Variants in CBLL1 observed in about 807,000 individuals in gnomAD.
CBLL1 encodes E3 ubiquitin-protein ligase Hakai.
Under a neutral mutation model 44.9 loss-of-function variants are expected in CBLL1, and 4 were observed. The observed-to-expected ratio is 0.09, with a 90% CI of 0.04 to 0.20. The LOEUF is 0.20. CBLL1 is among the 10% of genes least tolerant of loss of function. The probability of loss-of-function intolerance (pLI) is 1.00; values close to 1 mark genes in which losing one functional copy is unlikely to be tolerated. For missense variants in CBLL1, 569 were observed against 636.7 expected, an observed-to-expected ratio of 0.89 and a Z score of 1.14; for synonymous variants, 235 against 202.2, an observed-to-expected ratio of 1.16 and a Z score of -1.38.
At position 107,758,089 on chromosome 7, in the gene CBLL1, A is replaced by T; in HGVS notation, c.441-54A>T. The T allele has an allele frequency of 6.8e-7, 1 of 1,473,064 alleles. No homozygotes were observed. The highest frequency in any genetic ancestry group is 9.1e-7 in the Non-Finnish European group (1 of 1,096,848). The allele number at this position is 1,473,064 out of a possible 1,614,324, so 91.2% of individuals were successfully genotyped here. ...AAACAAGCATATTTTTGAAAATTAC[A>T]TAATTTTTTGTATTCTCTTTTAGTA... On this transcript the variant is annotated intron_variant, in intron 5 of 5. Transcript: ENST00000440859. This position sits in a 1 kb window ranked among gnomAD's most constrained non-coding sequence, Gnocchi z 4.2.
In CBLL1 at chr7:107,749,003, GAAC is replaced by G. The variant is rs1358172858; in HGVS notation, c.138_140del (p.Arg46_Thr47delinsSer). 9.3e-6 allele frequency: 15 copies of G among 1,614,020 alleles called. No individual in the cohort carries two copies. Among genetic ancestry groups the G allele is most frequent in the Non-Finnish European group, 1.3e-5 (15 of 1,180,008 alleles). ...GCGAAACCTGCACCGCGAACTCAAA[GAAC>G]TATAAACAGGATGCCTGCAAAGGCT... On this transcript the variant is annotated inframe_deletion, in exon 2 of 6. Coordinates refer to ENST00000440859, the MANE Select transcript of CBLL1 (RefSeq NM_024814.4).
chr7:107,752,701 C>T (rs1793358887), intron 2 of CBLL1: 1 of 609,316 alleles, frequency 1.6e-6, no homozygotes. Context: ...TTGCCATCAA[C>T]TTTTTAATTA....
chr7:107,756,254 G>T (rs1011789240), intron 5 of CBLL1, among the ~76,000 whole-genome samples: 1 of 152,122 alleles, frequency 6.6e-6, no homozygotes, highest in African/African-American at 2.4e-5. Context: ...TGTGCTTAAA[G>T]CTATACCAAG....
intron 4 of CBLL1, among the ~76,000 whole-genome samples, chr7:107,754,781 C>G (rs1171354537): frequency 1.3e-5 from 2 of 151,500 alleles, no homozygotes; most frequent in Non-Finnish European, 2.9e-5. Context: ...TCAGGAGAAA[C>G]AAGATTAAAA....
At position 107,749,029 on chromosome 7, in the gene CBLL1, G is replaced by A. The variant is rs764905611; in HGVS notation, c.163G>A (p.Ala55Thr). The change falls in exon 2 of 6, where the codon GCT (alanine) becomes ACT (threonine). Residue 55 changes from alanine to threonine, a missense_variant. Physicochemically the swap from Ala to Thr is moderately conservative, Grantham distance 58. Coordinates refer to ENST00000440859, the MANE Select transcript of CBLL1 (RefSeq NM_024814.4). ...AACTATAAACAGGATGCCTGCAAAG[G>A]CTCCACCTGGTGATGAAGGTAATTT... ...QRTINRMPAK[A>T]PPGDEEGFDY... The A allele has an allele frequency of 5.6e-6, 9 of 1,613,696 alleles. No homozygotes were observed. The highest frequency in any genetic ancestry group is 1.6e-4 in the Middle Eastern group (1 of 6,084).
rs1057285218 is a variant in CBLL1 at position 107,758,753 on chromosome 7, A to G, written c.1051A>G (p.Ile351Val). The part of the protein sequence containing the change: ...YAPPPPPPPP[I>V]SHPMPHPPQA... ...ACCACCCCCACCTCCTCCACCACCA[A>G]TAAGCCATCCAATGCCACATCCTCC... is the stretch of plus-strand genomic sequence containing the variant. The change falls in exon 6 of 6, where the codon ATA (isoleucine) becomes GTA (valine). Residue 351 changes from isoleucine (I) to valine (V), a missense_variant. Physicochemically the swap from Ile to Val is conservative, Grantham distance 29. Transcript: ENST00000440859. The surrounding 1 kb of genome is among the most constrained non-coding windows in gnomAD (Gnocchi z 4.2). 3 of 1,612,894 alleles carry G rather than the reference A, an allele frequency of 1.9e-6. No individual in the cohort carries two copies. Among genetic ancestry groups the G allele is most frequent in the Non-Finnish European group, 2.5e-6 (3 of 1,179,730 alleles).
At chr7:107,753,750 T>C in intron 3 of CBLL1, 145 bp from the exon 4 acceptor site, 1 of 534,552 alleles carries the variant, frequency 1.9e-6, no homozygotes, top group East Asian at 3.3e-5. Context: ...TCACAACTAA[T>C]GGTGGGGAAT....
intron 5 of CBLL1, among the ~76,000 whole-genome samples, chr7:107,757,707 C>A (rs962430203): frequency 6.6e-6 from 1 of 152,190 alleles, no homozygotes; most frequent in Non-Finnish European, 1.5e-5. Context: ...CTTCTACTTA[C>A]TGTTTTCCAC....
Position 107,753,423 on chromosome 7 carries a change from A to T in CBLL1, c.194A>T (p.Tyr65Phe), listed in dbSNP as rs140334387. The change falls in exon 3 of 6, where the codon TAT becomes TTT. Residue 65 changes from tyrosine to phenylalanine, a missense_variant. Coordinates refer to ENST00000440859, the MANE Select transcript of CBLL1 (RefSeq NM_024814.4). ...APPGDEEGFD[Y>F]NEEERYDCKG... ...TTTTTTTTCTCAGAAGGATTTGATT[A>T]TAATGAAGAAGAACGGTATGACTGT... The T allele has an allele frequency of 1.9e-5, 30 of 1,572,790 alleles. No individual in the cohort carries two copies. The highest frequency in any genetic ancestry group is 2.5e-5 in the Non-Finnish European group (29 of 1,165,870).
chr7:107,758,397 T>C lies in CBLL1; in HGVS notation c.695T>C (p.Ile232Thr). 1 of 1,614,136 alleles carries C rather than the reference T, an allele frequency of 6.2e-7. No homozygotes were observed. The highest frequency in any genetic ancestry group is 8.5e-7 in the Non-Finnish European group (1 of 1,180,020). The change falls in exon 6 of 6, where the codon ATT (isoleucine) becomes ACT (threonine). Residue 232 changes from isoleucine (I) to threonine (T), a missense_variant. Physicochemically the swap from Ile to Thr is moderately conservative, Grantham distance 89. Coordinates refer to ENST00000440859, the MANE Select transcript of CBLL1 (RefSeq NM_024814.4). The surrounding 1 kb of genome is among the most constrained non-coding windows in gnomAD (Gnocchi z 4.2). ...MPPDKHHMSH[I>T]PPKQHIMMPP... ...CCAGACAAGCACCATATGAGCCATA[T>C]TCCGCCAAAGCAGCACATCATGATG...
At chr7:107,750,416 C>G (rs1793232872) in intron 2 of CBLL1, among the ~76,000 whole-genome samples, 1 of 151,960 alleles carries the variant, frequency 6.6e-6, no homozygotes, top group African/African-American at 2.4e-5. Flanking sequence ...TGCCATTCTC[C>G]TGCCTCAGCC....
chr7:107,757,910 A>G (rs939054676), intron 5 of CBLL1, among the ~76,000 whole-genome samples: 9 of 152,118 alleles, frequency 5.9e-5, no homozygotes, highest in East Asian at 3.8e-4. Context: ...TTCTTGAAAC[A>G]TACCGTTTGA....
chr7:107,753,860 G>A (rs1793416046), intron 3 of CBLL1, 35 bp from the exon 4 acceptor site: 2 of 1,315,200 alleles, frequency 1.5e-6, no homozygotes, highest in Non-Finnish European at 2.1e-6. Context: ...TTAGAATTGT[G>A]TAAGAAGGTA....
intron 3 of CBLL1, 49 bp from the exon 4 acceptor site, chr7:107,753,846 A>G: frequency 8.3e-7 from 1 of 1,201,118 alleles, no homozygotes; most frequent in Non-Finnish European, 1.2e-6. Flanking sequence ...TGTAGATACA[A>G]TCTTTAGAAT....
intron 1 of CBLL1, among the ~76,000 whole-genome samples, chr7:107,746,721 T>C (rs1429939936): frequency 6.6e-6 from 1 of 152,234 alleles, no homozygotes; most frequent in Non-Finnish European, 1.5e-5. Flanking sequence ...ACCCATTTTA[T>C]GATCATACCG....
chr7:107,755,664 C>A, intron 5 of CBLL1, 173 bp downstream of exon 5: 1 of 363,766 alleles, frequency 2.7e-6, no homozygotes, highest in Non-Finnish European at 5.1e-6. Flanking sequence ...TAATATAGGG[C>A]AAGGTAGCCA....
Position 107,749,021 on chromosome 7 carries a change from C to T in CBLL1, c.155C>T (p.Pro52Leu). ...PRTQRTINRM[P>L]AKAPPGDEEG... ...ACTCAAAGAACTATAAACAGGATGC[C>T]TGCAAAGGCTCCACCTGGTGATGAA... Residue 52 changes from proline (P) to leucine (L), a missense_variant, in exon 2 of 6, where the codon CCT becomes CTT. Coordinates refer to ENST00000440859, the MANE Select transcript of CBLL1 (RefSeq NM_024814.4). 6.2e-7 allele frequency: 1 copy of T among 1,614,104 alleles called. No homozygotes were observed. Among genetic ancestry groups the T allele is most frequent in the Non-Finnish European group, 8.5e-7 (1 of 1,179,980 alleles).
In CBLL1 at chr7:107,759,216, A is replaced by ACTAC. The variant is rs1250544379; in HGVS notation, c.*38_*39insCTAC. ...GAATGGAAGATATGAGGGGGAAAAA[A>ACTAC]ACTTATGTGTAGTCAATCTTTTAAG... On this transcript the variant is annotated 3_prime_UTR_variant, in exon 6 of 6. Coordinates refer to ENST00000440859, the MANE Select transcript of CBLL1 (RefSeq NM_024814.4). The ACTAC allele has an allele frequency of 1.3e-6, 2 of 1,511,898 alleles. No individual in the cohort carries two copies. The highest frequency in any genetic ancestry group is 1.8e-6 in the Non-Finnish European group (2 of 1,124,244). The allele number at this position is 1,511,898 out of a possible 1,614,324, so 93.7% of individuals were successfully genotyped here.
In CBLL1 at chr7:107,760,874, C is replaced by A. The variant is rs1323118098; in HGVS notation, c.*1696C>A. The A allele has an allele frequency of 1.3e-5, 2 of 151,284 alleles. No individual in the cohort carries two copies. The highest frequency in any genetic ancestry group is 4.8e-5 in the African/African-American group (2 of 41,410). The allele number at this position is 151,284 out of a possible 1,614,324, so 9.4% of individuals were successfully genotyped here. A position where few individuals can be genotyped will look rare whatever the true frequency, so the allele number is the denominator to read the frequency against. ...GAAATAACAAAATGGCCGTTTCAAC[C>A]TTGACTGGCCAAAAATAACTAATAA... On this transcript the variant is annotated 3_prime_UTR_variant, in exon 6 of 6. Transcript: ENST00000440859.
Sources: gnomAD v4.1 joint callset for allele counts (sites outside exome capture counted in the v4.1 genomes callset) on GRCh38, gnomAD v4.1.1 for gene constraint, Gnocchi (gnomAD v3.1) non-coding constraint, MANE v1.5 for transcripts, NCBI Gene and HGNC (gene_info 2026-07-23, HGNC 2026-07-21) for gene names.